The following PANK1 variants were observed in gnomAD, a reference collection of about 807,000 sequenced individuals.
The protein encoded by PANK1 is pantothenate kinase 1, also known as pantothenic acid kinase 1.
A neutral mutation model predicts 40.1 loss-of-function variants in PANK1; 18 were observed. The observed-to-expected ratio is 0.45, with a 90% CI of 0.31 to 0.67. PANK1 has a LOEUF of 0.67. Ranked by LOEUF, PANK1 falls within the 30% of genes least tolerant of loss-of-function variation. The probability of loss-of-function intolerance (pLI) is 0.06; values close to 1 mark genes in which losing one functional copy is unlikely to be tolerated. For missense variants in PANK1, 457 were observed against 599.6 expected, an observed-to-expected ratio of 0.76 and a Z score of 2.48; for synonymous variants, 242 against 237.7, an observed-to-expected ratio of 1.02 and a Z score of -0.17.
intron 3 of PANK1, 93 bp downstream of exon 3, chr10:89,599,158 CT>C: frequency 1.6e-6 from 2 of 1,241,312 alleles, no homozygotes; most frequent in Non-Finnish European, 2.3e-6. Flanking sequence ...CAAGATATTT[CT>C]TTTAAAAATG....
chr10:89,619,365 G>T (rs1845414245), intron 1 of PANK1, among the ~76,000 whole-genome samples: 2 of 152,232 alleles, frequency 1.3e-5, no homozygotes, highest in South Asian at 4.2e-4. Flanking sequence ...TAGCCTAAAT[G>T]AGCAAAGACA....
chr10:89,581,227 C>T (rs756093892), downstream of PANK1: 1 of 152,162 alleles, frequency 6.6e-6, no homozygotes, highest in Non-Finnish European at 1.5e-5. Flanking sequence ...CTTCCTGGCA[C>T]AGAGTAACTT....
At position 89,611,891 on chromosome 10, in the gene PANK1, C is replaced by G. The variant is rs2133963956; in HGVS notation, c.450G>C (p.Gly150=). The change falls in exon 2 of 7, where the codon GGG becomes GGC. Residue 150 remains glycine (G), a synonymous_variant. Transcript: ENST00000307534. ...TCAGTTCCAGGTGGACGTCTCGGAT[C>G]CCAGTTTTCCCATAAGCAGTATTAG... The part of the protein sequence containing the change: ...LTSNTAYGKT[G]IRDVHLELKN... 6.2e-7 allele frequency: 1 copy of G among 1,614,148 alleles called. No individual in the cohort carries two copies.
intron 1 of PANK1, among the ~76,000 whole-genome samples, chr10:89,621,470 G>A (rs539207490): frequency 9.6e-4 from 146 of 152,266 alleles, no homozygotes; most frequent in African/African-American, 3.4e-3. Flanking sequence ...GTTAAGAGGT[G>A]GAAGGAACGT....
At chr10:89,607,767 T>C (rs10748523) in intron 2 of PANK1, among the ~76,000 whole-genome samples, 82,987 of 151,994 alleles carry the variant, frequency 0.55, 23,549 homozygotes, top group South Asian at 0.63. Flanking sequence ...TGCTTGGTTA[T>C]TTAAAACAAA....
intron 2 of PANK1, among the ~76,000 whole-genome samples, chr10:89,607,246 T>G (rs1844995707): frequency 6.6e-6 from 1 of 152,210 alleles, no homozygotes. Flanking sequence ...TTGGCCTAAT[T>G]TCAATATTGC....
intron 1 of PANK1, among the ~76,000 whole-genome samples, chr10:89,626,839 C>G (rs1026255395): frequency 9.2e-5 from 14 of 152,090 alleles, no homozygotes; most frequent in African/African-American, 3.4e-4. Context: ...AAACAAATCC[C>G]CATTTAAACC....
rs1311594429 is a variant in PANK1 at position 89,599,196 on chromosome 10, T to C, written c.899+56A>G. 1.1e-5 allele frequency: 17 copies of C among 1,519,644 alleles called. 1 individual carries two copies. Among genetic ancestry groups the C allele is most frequent in the Non-Finnish European group, 1.5e-5 (17 of 1,118,378 alleles). 94.1% of individuals were successfully genotyped at this position (1,519,644 alleles called of 1,614,324 possible). A position where few individuals can be genotyped will look rare whatever the true frequency, so the allele number is the denominator to read the frequency against. ...ATTCAATATAAATAACCTTTTACTA[T>C]AAACTGGTCATCAAGAAAGAGGTCT... On this transcript the variant is annotated intron_variant, in intron 3 of 6. Transcript: ENST00000307534.
intron 1 of PANK1, among the ~76,000 whole-genome samples, chr10:89,634,717 AC>A (rs1841752388): frequency 6.6e-6 from 1 of 152,206 alleles, no homozygotes; most frequent in Non-Finnish European, 1.5e-5. Context: ...GAGATATCAA[AC>A]AGTTAAGATC....
rs1388706437 is a variant in PANK1 at position 89,588,679 on chromosome 10, T to C, written c.1299A>G (p.Gln433=). ...AYAMDFWSKG[Q]LKALFLEHEG... is the part of the protein sequence containing the mutation. ...CATGTTCCAAAAACAGAGCTTTCAG[T>C]TGTCCTTTGGACCAAAAATCCATGG... The change falls in exon 6 of 7, where the codon CAA becomes CAG. Residue 433 remains glutamine (Q), a synonymous_variant. Coordinates refer to ENST00000307534, the MANE Select transcript of PANK1 (RefSeq NM_148977.3). 6.2e-7 allele frequency: 1 copy of C among 1,604,922 alleles called. No homozygotes were observed. The highest frequency in any genetic ancestry group is 1.1e-5 in the South Asian group (1 of 88,638).
In PANK1 at chr10:89,583,914, C is replaced by A. The variant is rs987342773; in HGVS notation, c.*492G>T. ...ACAAAAAAGGGTACAAAACAAATAA[C>A]AAAAGTGTTCACAGTAAAACATGCC... On this transcript the variant is annotated 3_prime_UTR_variant, in exon 7 of 7. Transcript: ENST00000307534. 3.9e-5 allele frequency: 6 copies of A among 152,752 alleles called. No homozygotes were observed. Among genetic ancestry groups the A allele is most frequent in the Non-Finnish European group, 7.3e-5 (5 of 68,212 alleles). The allele number at this position is 152,752 out of a possible 1,614,324, so 9.5% of individuals were successfully genotyped here.
intron 1 of PANK1, among the ~76,000 whole-genome samples, chr10:89,636,209 G>A (rs1354873597): frequency 6.6e-6 from 1 of 152,182 alleles, no homozygotes; most frequent in Non-Finnish European, 1.5e-5. Flanking sequence ...CACTGCCCTA[G>A]TAAGGGCCCT....
At chr10:89,634,994 A>G (rs1248779938) in intron 1 of PANK1, among the ~76,000 whole-genome samples, 1 of 152,164 alleles carries the variant, frequency 6.6e-6, no homozygotes, top group Non-Finnish European at 1.5e-5. Flanking sequence ...CTGAAATCCA[A>G]TCTCCGAAAG....
intron 1 of PANK1, among the ~76,000 whole-genome samples, chr10:89,626,944 A>G (rs1204859379): frequency 2.6e-5 from 4 of 152,216 alleles, no homozygotes; most frequent in Non-Finnish European, 5.9e-5. Flanking sequence ...AGCATGGTTA[A>G]TTAAAGAGGC....
chr10:89,643,687 C>G (rs373285299), intron 1 of PANK1: 13 of 1,602,012 alleles, frequency 8.1e-6, no homozygotes, highest in Middle Eastern at 3.3e-4. Context: ...TTAGCATTTA[C>G]TGTACTTACT....
downstream of PANK1, chr10:89,581,457 C>CA (rs1844049082): frequency 6.6e-6 from 1 of 152,172 alleles, no homozygotes; most frequent in Admixed American, 6.5e-5. Context: ...CTCACTCTGT[C>CA]TCCCAGGCTG....
chr10:89,643,901 T>C, intron 1 of PANK1: 1 of 1,397,336 alleles, frequency 7.2e-7, no homozygotes, highest in Non-Finnish European at 9.3e-7. Context: ...CTTTCTCCGG[T>C]GTACATTACA....
chr10:89,644,644 C>T lies in PANK1; in HGVS notation c.248G>A (p.Cys83Tyr). 6.3e-7 allele frequency: 1 copy of T among 1,584,182 alleles called. No homozygotes were observed. The highest frequency in any genetic ancestry group is 8.5e-7 in the Non-Finnish European group (1 of 1,170,856). ...LPQHDSPAKK[C>Y]RLRRRMDSGR... ...CGAGTCCATCCTCCTCCGCAGCCGGCATTTCTTGGCCGGGGAGTCATGCTG... is the reference window on the plus strand; with the variant it reads ...CGAGTCCATCCTCCTCCGCAGCCGGTATTTCTTGGCCGGGGAGTCATGCTG... The change falls in exon 1 of 7, where the codon TGC becomes TAC. Residue 83 changes from cysteine to tyrosine, a missense_variant. Cys to Tyr is a radical substitution (Grantham distance 194, BLOSUM62 -2). Around this residue, in one of 4 missense-constraint regions of PANK1, gnomAD observed 144 missense variants for 131.2 expected, o/e 1.10. Coordinates refer to ENST00000307534, the MANE Select transcript of PANK1 (RefSeq NM_148977.3).
intron 1 of PANK1, among the ~76,000 whole-genome samples, chr10:89,622,854 A>G (rs1468367640): frequency 6.6e-6 from 1 of 152,074 alleles, no homozygotes; most frequent in African/African-American, 2.4e-5. Context: ...AAAAAAACTT[A>G]AAACATTGAA....
Sources: allele counts gnomAD v4.1 joint callset (sites outside exome capture counted in the v4.1 genomes callset), GRCh38; gene constraint gnomAD v4.1.1; regional missense constraint gnomAD v4.1.1; transcripts MANE v1.5; gene names NCBI Gene and HGNC (gene_info 2026-07-23, HGNC 2026-07-21).